Variants in ZFYVE9 observed in about 807,000 individuals in gnomAD.
ZFYVE9 encodes zinc finger FYVE-type containing 9, also known as zinc finger FYVE domain-containing protein 9.
Under a neutral mutation model 126.7 loss-of-function variants are expected in ZFYVE9, and 43 were observed. The observed-to-expected ratio is 0.34, with a 90% CI of 0.27 to 0.44. The LOEUF is 0.44. Among genes scored for constraint, ZFYVE9 ranks in the 20% least tolerant of loss-of-function variants. The probability of loss-of-function intolerance (pLI) is 1.00; values close to 1 mark genes in which losing one functional copy is unlikely to be tolerated. For missense variants in ZFYVE9, 1,476 were observed against 1,697.0 expected (o/e 0.87, Z 2.29); for synonymous variants, 521 against 597.4 (o/e 0.87, Z 1.87).
At chr1:52,278,441 T>A (rs1455991673) in intron 8 of ZFYVE9, 51 bp from the exon 9 acceptor site, 3 of 1,606,490 alleles carry the variant, frequency 1.9e-6, no homozygotes, top group Non-Finnish European at 2.6e-6. Flanking sequence ...CTGATCTCTT[T>A]CTTGATTTGT....
intron 17 of ZFYVE9, among the ~76,000 whole-genome samples, chr1:52,344,243 G>C (rs1013320181): frequency 2.0e-5 from 3 of 152,190 alleles, no homozygotes; most frequent in Admixed American, 6.5e-5. Flanking sequence ...CTGTGTGGTG[G>C]AAAAAGCTCT....
rs780126133 is a variant in ZFYVE9 at position 52,337,942 on chromosome 1, C to T, written c.3833+8C>T. On this transcript the variant is annotated splice_region_variant and intron_variant, in intron 16 of 18. Transcript: ENST00000287727. ...CAAGAACGTTAGCAAGGGGTAAATG[C>T]AGCACATGTCCCCCTTTGTGGCTTT... 6.2e-7 allele frequency: 1 copy of T among 1,613,116 alleles called. No homozygotes were observed. Among genetic ancestry groups the T allele is most frequent in the Admixed American group, 1.7e-5 (1 of 59,940 alleles).
At chr1:52,307,821 G>C (rs777188649) in intron 13 of ZFYVE9, among the ~76,000 whole-genome samples, 1 of 149,664 alleles carries the variant, frequency 6.7e-6, no homozygotes, top group Non-Finnish European at 1.5e-5. Context: ...GAGCGATCTC[G>C]GCTCACTGCA....
At chr1:52,204,144 G>A (rs1644951342) in intron 1 of ZFYVE9, among the ~76,000 whole-genome samples, 1 of 150,726 alleles carries the variant, frequency 6.6e-6, no homozygotes, top group Non-Finnish European at 1.5e-5. Context: ...ATGATATATT[G>A]AGTAAGAGGA....
At chr1:52,210,173 A>G (rs887726187) in intron 1 of ZFYVE9, among the ~76,000 whole-genome samples, 9 of 152,204 alleles carry the variant, frequency 5.9e-5, no homozygotes, top group African/African-American at 1.9e-4. Flanking sequence ...CAAGTGGATG[A>G]TAATGCACTT....
chr1:52,196,863 AAAG>A (rs531379105), intron 1 of ZFYVE9, among the ~76,000 whole-genome samples: 92 of 151,852 alleles, frequency 6.1e-4, no homozygotes, highest in African/African-American at 2.1e-3. Flanking sequence ...AGTAAGCAAA[AAAG>A]AAAGTGACAA....
At chr1:52,322,901 T>C (rs1646255126) in intron 13 of ZFYVE9, among the ~76,000 whole-genome samples, 3 of 152,086 alleles carry the variant, frequency 2.0e-5, no homozygotes, top group Non-Finnish European at 4.4e-5. Flanking sequence ...GCCTCCCAGG[T>C]TCACGCCATT....
intron 1 of ZFYVE9, among the ~76,000 whole-genome samples, chr1:52,198,132 T>TTG (rs1255057691): frequency 7.2e-6 from 1 of 139,720 alleles, no homozygotes; most frequent in Non-Finnish European, 1.6e-5. Context: ...TTGTTTTTTT[T>TTG]TTTTTTTGAG....
chr1:52,207,232 G>A (rs555728688), intron 1 of ZFYVE9, among the ~76,000 whole-genome samples: 126 of 152,306 alleles, frequency 8.3e-4, no homozygotes, highest in African/African-American at 3.0e-3. Flanking sequence ...TACTCCAGAC[G>A]TGAGAATTAA....
chr1:52,150,633 G>A (rs986554479), intron 1 of ZFYVE9, among the ~76,000 whole-genome samples: 2 of 151,832 alleles, frequency 1.3e-5, no homozygotes, highest in African/African-American at 2.4e-5. Flanking sequence ...TGGGCGTGGC[G>A]TTGGGCCCCT....
chr1:52,292,469 CTTTTTTTTTT>C (rs1159852399), intron 10 of ZFYVE9, among the ~76,000 whole-genome samples: 1 of 102,036 alleles, frequency 9.8e-6, no homozygotes, highest in Admixed American at 1.0e-4. Flanking sequence ...CTGAACATTT[CTTTTTTTTTT>C]TTTTTTTTTT....
chr1:52,315,622 A>G (rs1296103707), intron 13 of ZFYVE9, among the ~76,000 whole-genome samples: 1 of 152,144 alleles, frequency 6.6e-6, no homozygotes, highest in African/African-American at 2.4e-5. Context: ...AGCAACCACT[A>G]AAAAAATCAA....
chr1:52,230,509 A>ATG (rs1282979239), intron 2 of ZFYVE9, among the ~76,000 whole-genome samples: 1 of 151,024 alleles, frequency 6.6e-6, no homozygotes, highest in Non-Finnish European at 1.5e-5. Context: ...TGTTCTGCAC[A>ATG]TGTATCCTGG....
intron 13 of ZFYVE9, among the ~76,000 whole-genome samples, chr1:52,326,244 T>G (rs1231194689): frequency 6.6e-6 from 1 of 152,234 alleles, no homozygotes; most frequent in East Asian, 1.9e-4. Context: ...CATTATCTTA[T>G]AAGAGGTATA....
chr1:52,290,224 T>C (rs1645904702), intron 10 of ZFYVE9, among the ~76,000 whole-genome samples: 1 of 151,786 alleles, frequency 6.6e-6, no homozygotes, highest in African/African-American at 2.4e-5. Context: ...GCAAATGGGG[T>C]GGGGAAGAGA....
intron 8 of ZFYVE9, among the ~76,000 whole-genome samples, chr1:52,278,254 G>A (rs1443953344): frequency 6.6e-6 from 1 of 152,104 alleles, no homozygotes; most frequent in African/African-American, 2.4e-5. Flanking sequence ...TGTGGGGAGA[G>A]GTCTATACAC....
chr1:52,184,644 G>A (rs6683487), intron 1 of ZFYVE9, among the ~76,000 whole-genome samples: 146,472 of 151,532 alleles, frequency 0.97, 70,807 homozygotes, highest in East Asian at 1. Context: ...TACTTAATGT[G>A]ACAACAAAGA....
chr1:52,188,728 A>G lies in ZFYVE9; in HGVS notation c.-142-27641A>G, dbSNP rs117455525. Among the ~76,000 whole-genome samples, 107 of 152,236 alleles carry G rather than the reference A, an allele frequency of 7.0e-4. 1 individual carries two copies. The East Asian group carries it at 0.019, about 27-fold the overall frequency. Reference sequence around the variant, plus strand: ...GACTGAGGTACATGGTAGAATACCAATGTTAAGGTCAGGCGGATCAGAATT... The same window carrying G: ...GACTGAGGTACATGGTAGAATACCAGTGTTAAGGTCAGGCGGATCAGAATT... On this transcript the variant is annotated intron_variant, in intron 1 of 18. Coordinates refer to ENST00000287727, the MANE Select transcript of ZFYVE9 (RefSeq NM_004799.4).
Position 52,207,515 on chromosome 1 carries a change from A to G in ZFYVE9, c.-142-8854A>G, listed in dbSNP as rs1002221057. Among the ~76,000 whole-genome samples, 3 of 152,280 alleles carry G rather than the reference A, an allele frequency of 2.0e-5. No homozygotes were observed. The South Asian group carries it at 6.2e-4, about 32-fold the overall frequency. On this transcript the variant is annotated intron_variant, in intron 1 of 18. Coordinates refer to ENST00000287727, the MANE Select transcript of ZFYVE9 (RefSeq NM_004799.4). ...CAACAATGTCAGCTTCCCAGATCCT[A>G]TTCTCTTAATGTATTTTGGTCTTGA... is the stretch of plus-strand genomic sequence containing the variant.
Sources: gnomAD v4.1 joint callset for allele counts (sites outside exome capture counted in the v4.1 genomes callset) on GRCh38, gnomAD v4.1.1 for gene constraint, MANE v1.5 for transcripts, NCBI Gene and HGNC (gene_info 2026-07-23, HGNC 2026-07-21) for gene names.